Variants in PEX5L observed in about 807,000 individuals in gnomAD.
PEX5L encodes the protein peroxisomal biogenesis factor 5 like.
In PEX5L, 30 loss-of-function variants were observed where a neutral mutation model predicts 84.0. The ratio of observed to expected loss-of-function variants is 0.36; its 90% CI spans 0.27 to 0.48. PEX5L has a LOEUF of 0.48. Ranked by LOEUF, PEX5L falls within the 20% of genes least tolerant of loss-of-function variation. PEX5L has a pLI of 0.99. For missense variants in PEX5L, 533 were observed against 754.6 expected, an observed-to-expected ratio of 0.71 and a Z score of 3.44; for synonymous variants, 270 against 283.1, an observed-to-expected ratio of 0.95 and a Z score of 0.46.
At chr3:179,988,032 A>G (rs1315098998) in intron 1 of PEX5L, among the ~76,000 whole-genome samples, 2 of 152,120 alleles carry the variant, frequency 1.3e-5, no homozygotes, top group African/African-American at 2.4e-5. Context: ...AGACCAGACG[A>G]TCTTTCACAT....
chr3:179,971,599 T>C lies in PEX5L; in HGVS notation c.88A>G (p.Lys30Glu). The change falls in exon 2 of 15, where the codon AAG becomes GAG. Residue 30 changes from lysine (K) to glutamate (E), a missense_variant. By Grantham distance (56) the Lys-to-Glu change is moderately conservative. Transcript: ENST00000467460. ...GTACGTAAGTATTCACTTACCTGCTTTTGATCAACAATTATTTCGAGGTCT... is the reference window on the plus strand; with the variant it reads ...GTACGTAAGTATTCACTTACCTGCTCTTGATCAACAATTATTTCGAGGTCT... ...DEDLEIIVDQKQGKGSRAADK... is the reference protein window; with the variant it reads ...DEDLEIIVDQEQGKGSRAADK... 1 of 1,607,460 alleles carries C rather than the reference T, an allele frequency of 6.2e-7. No homozygotes were observed. Among genetic ancestry groups the C allele is most frequent in the African/African-American group, 1.3e-5 (1 of 74,836 alleles).
At chr3:179,842,088 T>C (rs1737540164) in intron 8 of PEX5L, among the ~76,000 whole-genome samples, 1 of 152,238 alleles carries the variant, frequency 6.6e-6, no homozygotes, top group South Asian at 2.1e-4. Context: ...GGAATAATTT[T>C]GCTGGATCAC....
At chr3:179,909,277 G>A (rs555876220) in intron 2 of PEX5L, among the ~76,000 whole-genome samples, 1 of 152,220 alleles carries the variant, frequency 6.6e-6, no homozygotes, top group African/African-American at 2.4e-5. Flanking sequence ...AGAAGCCACA[G>A]GGGACCTAAG....
intron 1 of PEX5L, among the ~76,000 whole-genome samples, chr3:180,025,409 G>C (rs2110525598): frequency 6.6e-6 from 1 of 152,272 alleles, no homozygotes; most frequent in East Asian, 1.9e-4. Context: ...AGATGTATTG[G>C]ATAAAGTCAC....
chr3:180,012,200 C>T (rs1263361993), intron 1 of PEX5L, among the ~76,000 whole-genome samples: 1 of 152,164 alleles, frequency 6.6e-6, no homozygotes, highest in African/African-American at 2.4e-5. Context: ...TTAGAAACTA[C>T]TCTGAGATGA....
chr3:179,986,805 C>A (rs1208315203), intron 1 of PEX5L, among the ~76,000 whole-genome samples: 3 of 152,200 alleles, frequency 2.0e-5, no homozygotes, highest in Non-Finnish European at 2.9e-5. Context: ...AGGTTAGATT[C>A]TTTTCAGCTC....
rs1718816319 is a variant in PEX5L, at chr3:179,801,398, G to A, written c.*430C>T. On this transcript the variant is annotated 3_prime_UTR_variant, in exon 15 of 15. Transcript: ENST00000467460. ...AATGGCCCAAACTATGTTCAGTCTT[G>A]CAAAAGAAGACAGTTCAGAAACAGT... The A allele has an allele frequency of 5.5e-6, 1 of 181,192 alleles. No homozygotes were observed. The highest frequency in any genetic ancestry group is 5.3e-5 in the Admixed American group (1 of 18,752). 11.2% of individuals were successfully genotyped at this position (181,192 alleles called of 1,614,324 possible). A position where few individuals can be genotyped will look rare whatever the true frequency, so the allele number is the denominator to read the frequency against.
intron 2 of PEX5L, among the ~76,000 whole-genome samples, chr3:179,904,769 G>A (rs1448839527): frequency 1.3e-5 from 2 of 152,118 alleles, no homozygotes; most frequent in Non-Finnish European, 2.9e-5. Context: ...CCTATGCACT[G>A]TGTCCACTGT....
intron 1 of PEX5L, among the ~76,000 whole-genome samples, chr3:180,031,313 G>A (rs541181518): frequency 1.3e-5 from 2 of 152,100 alleles, no homozygotes; most frequent in African/African-American, 4.8e-5. Context: ...GTCTCATTTG[G>A]TATCCCTACT....
At chr3:179,900,777 A>C in intron 2 of PEX5L, 1 of 1,406,218 alleles carries the variant, frequency 7.1e-7, no homozygotes, top group Non-Finnish European at 9.7e-7. Context: ...GCCTGCTAGC[A>C]ACTTTTTTCT....
At chr3:179,906,083 T>C (rs1210685780) in intron 2 of PEX5L, among the ~76,000 whole-genome samples, 1 of 152,226 alleles carries the variant, frequency 6.6e-6, no homozygotes, top group East Asian at 1.9e-4. Context: ...TAATAAGATG[T>C]TGCCGGGTAA....
intron 2 of PEX5L, among the ~76,000 whole-genome samples, chr3:179,908,827 C>A (rs1441450292): frequency 6.6e-6 from 1 of 152,106 alleles, no homozygotes; most frequent in African/African-American, 2.4e-5. Context: ...CATAGTATTC[C>A]ATGGTGTATA....
chr3:179,820,041 TC>T, intron 8 of PEX5L, 65 bp from the exon 9 acceptor site: 2 of 1,606,226 alleles, frequency 1.2e-6, no homozygotes, highest in East Asian at 2.2e-5. Flanking sequence ...GTGTTTTTCT[TC>T]CCCCCCTAAT....
chr3:179,866,580 G>C (rs1748241155), intron 7 of PEX5L, among the ~76,000 whole-genome samples: 1 of 152,146 alleles, frequency 6.6e-6, no homozygotes, highest in Admixed American at 6.6e-5. Flanking sequence ...TTTCTGGTTA[G>C]TGCCTACCAG....
intron 4 of PEX5L, 50 bp downstream of exon 4, chr3:179,887,623 A>G: frequency 8.7e-7 from 1 of 1,145,434 alleles, no homozygotes; most frequent in Non-Finnish European, 1.3e-6. Flanking sequence ...GCATTTTACT[A>G]TAGTTAAAAT....
chr3:179,907,743 G>A (rs1017259916), intron 2 of PEX5L, among the ~76,000 whole-genome samples: 18 of 152,134 alleles, frequency 1.2e-4, no homozygotes, highest in Non-Finnish European at 2.9e-5. Context: ...TCCAGAGGAA[G>A]GCAATTAACT....
At chr3:179,943,625 C>G (rs1437115638) in intron 2 of PEX5L, among the ~76,000 whole-genome samples, 1 of 152,142 alleles carries the variant, frequency 6.6e-6, no homozygotes, top group Non-Finnish European at 1.5e-5. Flanking sequence ...ATTCTGTGTG[C>G]AATGTTTTAT....
chr3:179,998,341 C>T (rs186701506), intron 1 of PEX5L, among the ~76,000 whole-genome samples: 2 of 152,256 alleles, frequency 1.3e-5, no homozygotes, highest in African/African-American at 4.8e-5. Context: ...GGAGTGGGGT[C>T]CAGAACAGGA....
intron 8 of PEX5L, among the ~76,000 whole-genome samples, chr3:179,846,462 C>T (rs976652001): frequency 7.9e-5 from 12 of 152,324 alleles, no homozygotes; most frequent in African/African-American, 2.9e-4. Flanking sequence ...TTGCACCCAT[C>T]AACCAACCTC....
Sources: gnomAD v4.1 joint callset for allele counts (sites outside exome capture counted in the v4.1 genomes callset) on GRCh38, gnomAD v4.1.1 for gene constraint, MANE v1.5 for transcripts, NCBI Gene and HGNC (gene_info 2026-07-23, HGNC 2026-07-21) for gene names.